The following KIAA0040 variants were observed in gnomAD, a reference collection of about 807,000 sequenced individuals.
KIAA0040 encodes KIAA0040.
Under a neutral mutation model 7.2 loss-of-function variants are expected in KIAA0040, and 10 were observed. That is an observed-to-expected ratio of 1.38 (90% CI 0.85 to 2.34). The LOEUF is 2.34. Among genes scored for constraint, KIAA0040 ranks in the 30% most tolerant of loss-of-function variants. The probability of loss-of-function intolerance (pLI) is 0.00; values close to 1 mark genes in which losing one functional copy is unlikely to be tolerated. For synonymous variants in KIAA0040, 49 were observed against 40.1 expected (o/e 1.22, Z -0.84); for missense variants, 89 against 108.2 (o/e 0.82, Z 0.79).
chr1:175,161,390 C>T (rs969511881), intron 3 of KIAA0040, among the ~76,000 whole-genome samples: 12 of 152,158 alleles, frequency 7.9e-5, no homozygotes, highest in African/African-American at 2.7e-4. Flanking sequence ...TATATCAGGT[C>T]TGGCACGTAG....
At chr1:175,188,692 G>T (rs1677755743) in intron 1 of KIAA0040, among the ~76,000 whole-genome samples, 1 of 152,164 alleles carries the variant, frequency 6.6e-6, no homozygotes, top group Non-Finnish European at 1.5e-5. Flanking sequence ...TTCTTGAGGG[G>T]TCTTTGGGAA....
intron 3 of KIAA0040, among the ~76,000 whole-genome samples, chr1:175,164,891 A>G (rs536379147): frequency 5.6e-4 from 85 of 152,350 alleles, no homozygotes; most frequent in African/African-American, 1.9e-3. Context: ...CATGGAATGC[A>G]AAAGAAGACA....
chr1:175,187,116 A>G (rs1677687686), intron 1 of KIAA0040, among the ~76,000 whole-genome samples: 1 of 152,180 alleles, frequency 6.6e-6, no homozygotes, highest in Non-Finnish European at 1.5e-5. Context: ...CCTTAAGAGT[A>G]ACTTATTCTC....
intron 1 of KIAA0040, among the ~76,000 whole-genome samples, chr1:175,184,394 C>A (rs1166056744): frequency 3.3e-5 from 5 of 152,204 alleles, no homozygotes; most frequent in African/African-American, 1.2e-4. Flanking sequence ...CTGCCCCACT[C>A]CCTACCCTTC....
rs530464633 is a variant in KIAA0040, at chr1:175,192,645, G to A, written c.-389C>T. On this transcript the variant is annotated 5_prime_UTR_variant, in exon 1 of 4. Coordinates refer to ENST00000423313, the MANE Select transcript of KIAA0040 (RefSeq NM_014656.3). ...CAGAAAGTCCTGAAACTCACCTTTC[G>A]GTCCGCGGAAGGGCTTCCTGCAGGC... 1 of 152,196 alleles carries A rather than the reference G, an allele frequency of 6.6e-6. No individual in the cohort carries two copies. Among genetic ancestry groups the A allele is most frequent in the East Asian group, 1.9e-4 (1 of 5,184 alleles). 9.4% of individuals were successfully genotyped at this position (152,196 alleles called of 1,614,324 possible). A position where few individuals can be genotyped will look rare whatever the true frequency, so the allele number is the denominator to read the frequency against.
chr1:175,158,370 TGAC>T lies in KIAA0040; in HGVS notation c.*2341_*2343del, dbSNP rs1351423996. 3 of 152,188 alleles carry T rather than the reference TGAC, an allele frequency of 2.0e-5. No homozygotes were observed. Among genetic ancestry groups the T allele is most frequent in the Admixed American group, 6.5e-5 (1 of 15,282 alleles). 9.4% of individuals were successfully genotyped at this position (152,188 alleles called of 1,614,324 possible). On this transcript the variant is annotated 3_prime_UTR_variant, in exon 4 of 4. Coordinates refer to ENST00000423313, the MANE Select transcript of KIAA0040 (RefSeq NM_014656.3). ...GGAGATAGAGGCCTTGTCATGGCAA[TGAC>T]AACTGACTGCTGTCTTAATTCAAAG...
In KIAA0040 at chr1:175,184,539, G is replaced by A. The variant is rs577283275; in HGVS notation, c.-383-6855C>T. 1.8e-4 allele frequency among the ~76,000 whole-genome samples: 28 copies of A among 152,330 alleles called. No homozygotes were observed. In the South Asian group the frequency reaches 5.6e-3, roughly 30 times the overall value. On this transcript the variant is annotated intron_variant, in intron 1 of 3. Coordinates refer to ENST00000423313, the MANE Select transcript of KIAA0040 (RefSeq NM_014656.3). Reference sequence around the variant, plus strand: ...ACAACTGTTTTGAGAAAGTCTATGAGTTGAAACATAGGACCCAGGCATAGG... The same window carrying A: ...ACAACTGTTTTGAGAAAGTCTATGAATTGAAACATAGGACCCAGGCATAGG...
chr1:175,167,314 G>GA (rs5778838), intron 2 of KIAA0040, among the ~76,000 whole-genome samples: 87,458 of 152,034 alleles, frequency 0.58, 25,638 homozygotes, highest in East Asian at 0.86. Context: ...TACATTTAAA[G>GA]AATGAGTTCA....
In KIAA0040 at chr1:175,160,685, G is replaced by A. The variant is rs987224150; in HGVS notation, c.*29C>T. The A allele has an allele frequency of 2.0e-6, 3 of 1,520,144 alleles. No homozygotes were observed. Among genetic ancestry groups the A allele is most frequent in the African/African-American group, 1.4e-5 (1 of 71,524 alleles). The allele number at this position is 1,520,144 out of a possible 1,614,324, so 94.2% of individuals were successfully genotyped here. A position where few individuals can be genotyped will look rare whatever the true frequency, so the allele number is the denominator to read the frequency against. ...GTGGTCAGAAGGAGGCTTAGCCCCA[G>A]AAAGGAAACACCTCTGCTTCCTGCC... On this transcript the variant is annotated 3_prime_UTR_variant, in exon 4 of 4. Transcript: ENST00000423313.
chr1:175,162,442 C>T (rs968639881), intron 3 of KIAA0040, among the ~76,000 whole-genome samples: 1 of 151,982 alleles, frequency 6.6e-6, no homozygotes, highest in Non-Finnish European at 1.5e-5. Flanking sequence ...ATGGGTTCAG[C>T]ACTCTCCGCA....
At position 175,159,853 on chromosome 1, in the gene KIAA0040, A is replaced by G. The variant is rs548685143; in HGVS notation, c.*861T>C. 3.3e-5 allele frequency: 5 copies of G among 152,068 alleles called. No homozygotes were observed. Among genetic ancestry groups the G allele is most frequent in the African/African-American group, 1.2e-4 (5 of 41,448 alleles). The allele number at this position is 152,068 out of a possible 1,614,324, so 9.4% of individuals were successfully genotyped here. On this transcript the variant is annotated 3_prime_UTR_variant, in exon 4 of 4. Coordinates refer to ENST00000423313, the MANE Select transcript of KIAA0040 (RefSeq NM_014656.3). ...TCTTTGTTCTTGCTTGGAGAAAGGCACTTTGCTGAGTGGTTTGCGGGGGTA... is the reference window on the plus strand; with the variant it reads ...TCTTTGTTCTTGCTTGGAGAAAGGCGCTTTGCTGAGTGGTTTGCGGGGGTA...
intron 2 of KIAA0040, among the ~76,000 whole-genome samples, chr1:175,168,349 C>A (rs1218675039): frequency 1.3e-5 from 2 of 152,080 alleles, no homozygotes; most frequent in African/African-American, 4.8e-5. Flanking sequence ...TAATGAATTG[C>A]TTCAAATAAC....
At chr1:175,164,392 TC>T (rs1313411595) in intron 3 of KIAA0040, among the ~76,000 whole-genome samples, 2 of 152,144 alleles carry the variant, frequency 1.3e-5, no homozygotes, top group Non-Finnish European at 2.9e-5. Context: ...TATTGATAGA[TC>T]AAGTCATAAA....
intron 1 of KIAA0040, among the ~76,000 whole-genome samples, chr1:175,186,253 T>C (rs1367348543): frequency 1.3e-5 from 2 of 152,220 alleles, no homozygotes; most frequent in African/African-American, 4.8e-5. Context: ...AACTAATAGA[T>C]GTCACATGGA....
intron 1 of KIAA0040, among the ~76,000 whole-genome samples, chr1:175,178,363 A>T (rs1418949881): frequency 6.6e-6 from 1 of 152,216 alleles, no homozygotes; most frequent in Non-Finnish European, 1.5e-5. Flanking sequence ...GGCTGGGAAG[A>T]GCTTTGTATA....
chr1:175,186,910 A>G (rs1390771574), intron 1 of KIAA0040, among the ~76,000 whole-genome samples: 1 of 152,166 alleles, frequency 6.6e-6, no homozygotes, highest in Non-Finnish European at 1.5e-5. Flanking sequence ...TGGGTCACCC[A>G]TGTAATGAGA....
At chr1:175,161,929 C>T (rs938130890) in intron 3 of KIAA0040, among the ~76,000 whole-genome samples, 1 of 152,194 alleles carries the variant, frequency 6.6e-6, no homozygotes, top group African/African-American at 2.4e-5. Flanking sequence ...AAGTCTCCTG[C>T]TCTCTTTCTT....
At chr1:175,181,419 T>C (rs1158125740) in intron 1 of KIAA0040, among the ~76,000 whole-genome samples, 1 of 152,202 alleles carries the variant, frequency 6.6e-6, no homozygotes, top group African/African-American at 2.4e-5. Flanking sequence ...AGCAGCAAAT[T>C]ATTCAATTCA....
intron 1 of KIAA0040, among the ~76,000 whole-genome samples, chr1:175,182,986 C>T (rs1677498399): frequency 6.6e-6 from 1 of 152,200 alleles, no homozygotes; most frequent in African/African-American, 2.4e-5. Flanking sequence ...TGGAAAGACG[C>T]CACTGTTCCA....
Sources: gnomAD v4.1 joint callset for allele counts (sites outside exome capture counted in the v4.1 genomes callset) on GRCh38, gnomAD v4.1.1 for gene constraint, MANE v1.5 for transcripts, NCBI Gene and HGNC (gene_info 2026-07-23, HGNC 2026-07-21) for gene names.